TIAM2: variants seen among roughly 807,000 people sequenced by gnomAD.
TIAM2 encodes rho guanine nucleotide exchange factor TIAM2.
A neutral mutation model predicts 152.9 loss-of-function variants in TIAM2; 80 were observed. The observed-to-expected ratio is 0.52, with a 90% CI of 0.44 to 0.63. The LOEUF is 0.63. Among genes scored for constraint, TIAM2 ranks in the 30% least tolerant of loss-of-function variants. The pLI is 0.00. For missense variants in TIAM2, 1,965 were observed against 2,120.1 expected, an observed-to-expected ratio of 0.93 and a Z score of 1.44; for synonymous variants, 804 against 838.0, an observed-to-expected ratio of 0.96 and a Z score of 0.70.
rs561800355 is a variant in TIAM2 at position 155,135,948 on chromosome 6, G to A, written c.1195-1229G>A. ...GGTGGCTCATGCCTGTAATCCCAGC[G>A]CTTTGGGAGGCTGAGGTGGGCGGAT... is the stretch of plus-strand genomic sequence containing the variant. On this transcript the variant is annotated intron_variant, in intron 4 of 26. Coordinates refer to ENST00000682666, the MANE Select transcript of TIAM2 (RefSeq NM_012454.4). Among the ~76,000 whole-genome samples the A allele has an allele frequency of 7.4e-4, 112 of 151,754 alleles. 2 individuals are homozygous for A. The Middle Eastern group carries it at 0.01, about 14-fold the overall frequency.
intron 12 of TIAM2, among the ~76,000 whole-genome samples, chr6:155,181,316 C>T (rs986438114): frequency 1.4e-4 from 22 of 152,002 alleles, no homozygotes; most frequent in Admixed American, 9.2e-4. Flanking sequence ...GGGCAAGCAC[C>T]GTATTCATCC....
rs886319075 is a variant in TIAM2, at chr6:155,186,385, C to CT, written c.3064+2888dup. ...GCCCCAGCTGTACACAGCAGCCTCG[C>CT]TTTCACACCTCCCATGGGCTTCCTG... On this transcript the variant is annotated intron_variant, in intron 14 of 26. Coordinates refer to ENST00000682666, the MANE Select transcript of TIAM2 (RefSeq NM_012454.4). This position sits in a 1 kb window ranked among gnomAD's most constrained non-coding sequence, Gnocchi z 4.5. Among the ~76,000 whole-genome samples, 16 of 152,132 alleles carry CT rather than the reference C, an allele frequency of 1.1e-4. No homozygotes were observed. The highest frequency in any genetic ancestry group is 1.0e-3 in the Admixed American group (16 of 15,270).
intron 1 of TIAM2, among the ~76,000 whole-genome samples, chr6:155,000,402 A>T (rs1424428748): frequency 2.6e-5 from 4 of 152,030 alleles, no homozygotes; most frequent in African/African-American, 9.7e-5. Flanking sequence ...GTGGTGGCAC[A>T]TGCCTGTAAT....
At chr6:155,189,172 T>G (rs931409324) in intron 14 of TIAM2, among the ~76,000 whole-genome samples, 1 of 152,348 alleles carries the variant, frequency 6.6e-6, no homozygotes, top group East Asian at 1.9e-4. Flanking sequence ...ACCCACTTAT[T>G]TCCTGTTTAT....
chr6:155,170,053 G>A (rs973725607), intron 9 of TIAM2, among the ~76,000 whole-genome samples: 2 of 152,078 alleles, frequency 1.3e-5, no homozygotes, highest in Non-Finnish European at 2.9e-5. Flanking sequence ...TCCTGACGTC[G>A]CGATCCACCC....
chr6:155,169,649 A>G (rs551162188), intron 9 of TIAM2, among the ~76,000 whole-genome samples: 176 of 152,282 alleles, frequency 1.2e-3, no homozygotes, highest in African/African-American at 4.1e-3. Context: ...GGGGAGCCTG[A>G]GTAATGTCTC....
chr6:155,209,016 A>G (rs1384059735), intron 14 of TIAM2, among the ~76,000 whole-genome samples: 5 of 151,966 alleles, frequency 3.3e-5, no homozygotes, highest in Admixed American at 6.5e-5. Flanking sequence ...TGAAAGTCAA[A>G]TAAATATTCC....
At chr6:155,209,912 A>G (rs1781681507) in intron 14 of TIAM2, among the ~76,000 whole-genome samples, 3 of 152,190 alleles carry the variant, frequency 2.0e-5, no homozygotes, top group African/African-American at 7.2e-5. Context: ...AAGGTTCTCC[A>G]GAAACCATCT....
intron 1 of TIAM2, among the ~76,000 whole-genome samples, chr6:155,031,054 G>A (rs971986358): frequency 2.8e-4 from 42 of 152,172 alleles, no homozygotes; most frequent in African/African-American, 1.0e-3. Flanking sequence ...GTGGCTAAGA[G>A]TTTTTATGAA....
In TIAM2 at chr6:155,099,006, G is replaced by T. The variant is rs551363364; in HGVS notation, c.-118+8627G>T. 1.4e-4 allele frequency among the ~76,000 whole-genome samples: 22 copies of T among 152,162 alleles called. No individual in the cohort carries two copies. The East Asian group carries it at 4.3e-3, about 29-fold the overall frequency. On this transcript the variant is annotated intron_variant, in intron 2 of 26. Transcript: ENST00000682666. ...AGTTTGAGACCAGCCTGACCAACAC[G>T]GAGAAACTCCATCTTTACTAAAAAT...
intron 14 of TIAM2, among the ~76,000 whole-genome samples, chr6:155,202,950 G>A (rs557960675): frequency 1.3e-5 from 2 of 150,104 alleles, no homozygotes; most frequent in South Asian, 4.2e-4. Context: ...CTACTCAGGA[G>A]GCTGAGGCAC....
rs7743313 is a variant in TIAM2, at chr6:155,204,998, A to G, written c.3065-6206A>G. On this transcript the variant is annotated intron_variant, in intron 14 of 26. Transcript: ENST00000682666. ...GGAAGGGTAAACAGTGGAAGAGAAC[A>G]GAGCCACTCCTGAGAGCCCTTTTTA... Among the ~76,000 whole-genome samples the G allele has an allele frequency of 6.8e-3, 1,036 of 152,226 alleles. 9 individuals carry two copies. The highest frequency in any genetic ancestry group is 0.024 in the African/African-American group (992 of 41,506).
At chr6:155,057,541 CTTTT>C (rs71023613) in intron 1 of TIAM2, among the ~76,000 whole-genome samples, 13 of 80,072 alleles carry the variant, frequency 1.6e-4, no homozygotes, top group African/African-American at 2.2e-4. Flanking sequence ...CCATAATGTA[CTTTT>C]TTTTTTTTTT....
rs1019968987 is a variant in TIAM2, at chr6:155,200,972, G to A, written c.3065-10232G>A. ...AAAGAAGTCACTCCTTATCCTCCACGCTCCAACCCCCGCTCCTGGCAACTA... is the reference window on the plus strand; with the variant it reads ...AAAGAAGTCACTCCTTATCCTCCACACTCCAACCCCCGCTCCTGGCAACTA... On this transcript the variant is annotated intron_variant, in intron 14 of 26. Coordinates refer to ENST00000682666, the MANE Select transcript of TIAM2 (RefSeq NM_012454.4). Among the ~76,000 whole-genome samples the A allele has an allele frequency of 4.6e-5, 7 of 152,102 alleles. No homozygotes were observed. In the East Asian group the frequency reaches 7.7e-4, roughly 17 times the overall value.
intron 6 of TIAM2, among the ~76,000 whole-genome samples, chr6:155,147,176 C>CTTTTTTTTTTTTTTTTTTTTTTTT (rs3028764): frequency 7.0e-6 from 1 of 143,334 alleles, no homozygotes; most frequent in Non-Finnish European, 1.5e-5. Context: ...TTACATTGTT[C>CTTTTTTTTTTTTTTTTTTTTTTTT]TTTTTTTTTT....
chr6:155,223,923 T>G (rs1782149940), intron 15 of TIAM2, among the ~76,000 whole-genome samples: 2 of 152,178 alleles, frequency 1.3e-5, no homozygotes, highest in Non-Finnish European at 2.9e-5. Context: ...ATAGGCACAA[T>G]TACTATCTAA....
At chr6:155,088,377 G>A (rs1241868955) in intron 1 of TIAM2, among the ~76,000 whole-genome samples, 22 of 152,134 alleles carry the variant, frequency 1.4e-4, no homozygotes, top group East Asian at 5.8e-4. Flanking sequence ...CACTGCACCC[G>A]GCCCCGGTAT....
intron 1 of TIAM2, among the ~76,000 whole-genome samples, chr6:155,029,699 A>ATATATAACTATATACAGAGT (rs1562295470): frequency 1.7e-4 from 23 of 138,600 alleles, no homozygotes; most frequent in Non-Finnish European, 3.2e-4. Flanking sequence ...ATATATAGAG[A>ATATATAACTATATACAGAGT]TATATAACTA....
At chr6:155,130,656 G>T (rs1352270080) in intron 4 of TIAM2, among the ~76,000 whole-genome samples, 1 of 152,148 alleles carries the variant, frequency 6.6e-6, no homozygotes, top group Non-Finnish European at 1.5e-5. Flanking sequence ...TAGTCAGCTT[G>T]GGCAGCAAAC....
Sources: allele counts gnomAD v4.1 joint callset (sites outside exome capture counted in the v4.1 genomes callset), GRCh38; gene constraint gnomAD v4.1.1; non-coding constraint Gnocchi (gnomAD v3.1); transcripts MANE v1.5; gene names NCBI Gene and HGNC (gene_info 2026-07-23, HGNC 2026-07-21).